The following SETMAR variants were observed in gnomAD, a reference collection of about 807,000 sequenced individuals.
SETMAR encodes the protein SET and mariner transposase domain methyltransferase.
SETMAR carries 44 observed loss-of-function variants against 58.4 expected under a neutral mutation model. That is an observed-to-expected ratio of 0.75 (90% CI 0.59 to 0.97). The LOEUF (loss-of-function observed/expected upper bound fraction) is 0.97. SETMAR is among the 50% of genes least tolerant of loss of function. SETMAR has a pLI of 0.00. For synonymous variants in SETMAR, 332 were observed against 307.4 expected, an observed-to-expected ratio of 1.08 and a Z score of -0.84; for missense variants, 903 against 840.2, an observed-to-expected ratio of 1.07 and a Z score of -0.92.
chr3:4,311,315 C>G (rs146976403), intron 1 of SETMAR, among the ~76,000 whole-genome samples: 2 of 152,266 alleles, frequency 1.3e-5, no homozygotes, highest in Non-Finnish European at 2.9e-5. Context: ...GGCCTGGAGA[C>G]AAAATAATAA....
chr3:4,305,755 C>T (rs1200500931), intron 1 of SETMAR, among the ~76,000 whole-genome samples: 3 of 152,168 alleles, frequency 2.0e-5, no homozygotes, highest in African/African-American at 7.2e-5. Context: ...TAAGGCATGA[C>T]TCCCCAGGTG....
At position 4,316,695 on chromosome 3, in the gene SETMAR, T is replaced by C. The variant is rs1486453569; in HGVS notation, c.1504T>C (p.Tyr502His). Reference sequence around the variant, plus strand: ...GACGTGTGATGAAAAGTGGATTTTATATGACAACCGGCGACGATCAGCTCA... The same window carrying C: ...GACGTGTGATGAAAAGTGGATTTTACATGACAACCGGCGACGATCAGCTCA... ...IVTCDEKWIL[Y>H]DNRRRSAQWL... The change falls in exon 3 of 3, where the codon TAT (tyrosine) becomes CAT (histidine). Residue 502 changes from tyrosine to histidine, a missense_variant. Tyr to His is a moderately conservative substitution (Grantham distance 83). Coordinates refer to ENST00000358065, the MANE Select transcript of SETMAR (RefSeq NM_006515.4). The C allele has an allele frequency of 1.3e-6, 2 of 1,551,020 alleles. No homozygotes were observed. Among genetic ancestry groups the C allele is most frequent in the African/African-American group, 1.4e-5 (1 of 73,016 alleles).
chr3:4,308,989 C>T (rs1698300623), intron 1 of SETMAR, among the ~76,000 whole-genome samples: 1 of 152,136 alleles, frequency 6.6e-6, no homozygotes, highest in Non-Finnish European at 1.5e-5. Context: ...AGACATGAGA[C>T]AACAGTCAAA....
At chr3:4,315,775 A>T (rs1435434608) in intron 2 of SETMAR, among the ~76,000 whole-genome samples, 1 of 152,136 alleles carries the variant, frequency 6.6e-6, no homozygotes, top group Non-Finnish European at 1.5e-5. Context: ...GGCTGGGTGC[A>T]GTGGCTCACA....
intron 1 of SETMAR, 41 bp from the exon 2 acceptor site, chr3:4,312,856 AT>A: frequency 9.7e-6 from 15 of 1,547,836 alleles, no homozygotes; most frequent in Non-Finnish European, 1.2e-5. Context: ...TAGGAAATAT[AT>A]GACATGCCGT....
intron 2 of SETMAR, among the ~76,000 whole-genome samples, chr3:4,315,448 C>A (rs1361922805): frequency 1.3e-5 from 2 of 152,134 alleles, no homozygotes; most frequent in Admixed American, 1.3e-4. Context: ...ACACAAACAG[C>A]CCCCTCCAAC....
At chr3:4,308,048 C>T (rs566004674) in intron 1 of SETMAR, among the ~76,000 whole-genome samples, 2 of 152,190 alleles carry the variant, frequency 1.3e-5, no homozygotes, top group East Asian at 3.9e-4. Flanking sequence ...ATCCCATTCT[C>T]CGTGTCCTTT....
chr3:4,307,765 G>A (rs1698247600), intron 1 of SETMAR, among the ~76,000 whole-genome samples: 1 of 152,156 alleles, frequency 6.6e-6, no homozygotes, highest in African/African-American at 2.4e-5. Context: ...AGCCAGGCAT[G>A]GTGGCTCACT....
chr3:4,311,744 C>T (rs529557533), intron 1 of SETMAR, among the ~76,000 whole-genome samples: 5 of 152,178 alleles, frequency 3.3e-5, no homozygotes, highest in Non-Finnish European at 5.9e-5. Context: ...TTCCCTTTCA[C>T]CTTACTCTCC....
chr3:4,317,139 C>T lies in SETMAR; in HGVS notation c.1948C>T (p.Gln650Ter), dbSNP rs1437263273. Residue 650 changes from glutamine (Q) to a stop codon, truncating the protein, a stop_gained, in exon 3 of 3, where the codon CAA becomes TAA. Coordinates refer to ENST00000358065, the MANE Select transcript of SETMAR (RefSeq NM_006515.4). LOFTEE classifies it high-confidence loss of function. ...HNQQDAENAF[Q>*]EFVESQSTDF... Reference sequence around the variant, plus strand: ...CCAGCAGGATGCAGAAAATGCTTTCCAAGAGTTCGTCGAATCCCAAAGCAC... The same window carrying T: ...CCAGCAGGATGCAGAAAATGCTTTCTAAGAGTTCGTCGAATCCCAAAGCAC... 1.9e-6 allele frequency: 3 copies of T among 1,546,936 alleles called. No individual in the cohort carries two copies. In the African/African-American group the frequency reaches 4.1e-5, roughly 21 times the overall value.
intron 1 of SETMAR, among the ~76,000 whole-genome samples, chr3:4,309,460 G>T (rs771075238): frequency 6.6e-6 from 1 of 152,102 alleles, no homozygotes; most frequent in Non-Finnish European, 1.5e-5. Context: ...TCTACCCAGG[G>T]TGTATCAGTC....
chr3:4,312,545 A>G (rs904667410), intron 1 of SETMAR, among the ~76,000 whole-genome samples: 1 of 151,988 alleles, frequency 6.6e-6, no homozygotes, highest in African/African-American at 2.4e-5. Context: ...TAAAACCACA[A>G]ATTCTAAAAA....
At chr3:4,306,738 C>T (rs1051336859) in intron 1 of SETMAR, among the ~76,000 whole-genome samples, 1 of 152,242 alleles carries the variant, frequency 6.6e-6, no homozygotes, top group Non-Finnish European at 1.5e-5. Context: ...CAAACCCTGC[C>T]TTCACAGGCA....
chr3:4,304,044 C>T (rs1278426205), intron 1 of SETMAR: 3 of 215,752 alleles, frequency 1.4e-5, no homozygotes, highest in African/African-American at 7.1e-5. Context: ...TACCTCTCTT[C>T]CGGAGTGCTT....
At chr3:4,308,939 G>A (rs959323870) in intron 1 of SETMAR, among the ~76,000 whole-genome samples, 3 of 152,232 alleles carry the variant, frequency 2.0e-5, no homozygotes, top group South Asian at 2.1e-4. Context: ...ACATGTATCC[G>A]AAGTGGTTGG....
Position 4,313,622 on chromosome 3 carries a change from G to C in SETMAR, c.881G>C (p.Cys294Ser). Residue 294 changes from cysteine (C) to serine (S), a missense_variant, in exon 2 of 3, where the codon TGT becomes TCT. Cys to Ser is a moderately radical substitution (Grantham distance 112). Coordinates refer to ENST00000358065, the MANE Select transcript of SETMAR (RefSeq NM_006515.4). ...RKPCYCGAKSCTAFLPFDSSL... is the reference protein window; with the variant it reads ...RKPCYCGAKSSTAFLPFDSSL... ...CCTTGTTACTGTGGTGCCAAATCAT[G>C]TACTGCTTTCCTGCCTTTTGACAGT... The C allele has an allele frequency of 6.2e-7, 1 of 1,614,066 alleles. No homozygotes were observed. Among genetic ancestry groups the C allele is most frequent in the Non-Finnish European group, 8.5e-7 (1 of 1,179,970 alleles).
intron 1 of SETMAR, chr3:4,303,731 C>T: frequency 6.7e-7 from 1 of 1,497,776 alleles, no homozygotes; most frequent in Non-Finnish European, 9.0e-7. Flanking sequence ...AGGGTGTTGT[C>T]CTTTTCAGTC....
At chr3:4,315,520 G>A (rs942076917) in intron 2 of SETMAR, among the ~76,000 whole-genome samples, 3 of 152,044 alleles carry the variant, frequency 2.0e-5, no homozygotes, top group South Asian at 2.1e-4. Context: ...TTGTCCTCAG[G>A]CACTAGTTTA....
chr3:4,309,619 C>T (rs60967025), intron 1 of SETMAR, among the ~76,000 whole-genome samples: 1,667 of 152,246 alleles, frequency 0.011, 19 homozygotes, highest in African/African-American at 0.037. Flanking sequence ...TTCTTCCCAC[C>T]ACCTTCCCCC....
Sources: allele counts gnomAD v4.1 joint callset (sites outside exome capture counted in the v4.1 genomes callset), GRCh38; gene constraint gnomAD v4.1.1; transcripts MANE v1.5; gene names NCBI Gene and HGNC (gene_info 2026-07-23, HGNC 2026-07-21).